The following NTRK3 variants were observed in gnomAD, a reference collection of about 807,000 sequenced individuals.
The protein encoded by NTRK3 is neurotrophic receptor tyrosine kinase 3.
Under a neutral mutation model 91.7 loss-of-function variants are expected in NTRK3, and 24 were observed. The observed-to-expected ratio is 0.26, with a 90% CI of 0.19 to 0.37. The LOEUF is 0.37. NTRK3 is among the 10% of genes least tolerant of loss of function. The pLI is 1.00. For missense variants in NTRK3, 880 were observed against 1,068.9 expected, an observed-to-expected ratio of 0.82 and a Z score of 2.46; for synonymous variants, 483 against 404.0, an observed-to-expected ratio of 1.20 and a Z score of -2.34.
chr15:88,015,280 A>G (rs1216542078), intron 14 of NTRK3, among the ~76,000 whole-genome samples: 1 of 152,210 alleles, frequency 6.6e-6, no homozygotes, highest in Non-Finnish European at 1.5e-5. Context: ...AATTCTACGA[A>G]TAAATTCGTA....
chr15:88,161,326 T>C (rs1248990509), intron 5 of NTRK3, among the ~76,000 whole-genome samples: 3 of 152,134 alleles, frequency 2.0e-5, no homozygotes, highest in African/African-American at 7.2e-5. Flanking sequence ...AAGCCAGGGA[T>C]TGAACCCCAG....
chr15:88,176,955 C>G (rs1029734510), intron 5 of NTRK3, among the ~76,000 whole-genome samples: 1 of 152,146 alleles, frequency 6.6e-6, no homozygotes, highest in African/African-American at 2.4e-5. Flanking sequence ...CAAGGGAGGC[C>G]TTGCTAAGAA....
At chr15:87,985,025 G>A (rs566368577) in intron 14 of NTRK3, among the ~76,000 whole-genome samples, 27 of 152,266 alleles carry the variant, frequency 1.8e-4, no homozygotes, top group African/African-American at 6.5e-4. Context: ...TCCCATCTCT[G>A]CAAGCCTTGT....
At chr15:88,123,741 T>C (rs2052986151) in intron 13 of NTRK3, among the ~76,000 whole-genome samples, 1 of 152,202 alleles carries the variant, frequency 6.6e-6, no homozygotes, top group African/African-American at 2.4e-5. Context: ...TTCCAAGTCA[T>C]AGGCATATTC....
chr15:88,106,201 G>A (rs769600843), intron 13 of NTRK3, among the ~76,000 whole-genome samples: 5 of 152,240 alleles, frequency 3.3e-5, no homozygotes, highest in Admixed American at 6.5e-5. Flanking sequence ...TGGATGCAGC[G>A]GCTGCTACAG....
exon 19 of NTRK3, chr15:87,870,484 C>G (rs930153308): frequency 4.8e-6 from 1 of 209,890 alleles, no homozygotes; most frequent in Non-Finnish European, 9.7e-6. Context: ...ATGGTGCATA[C>G]TGCCTGGGTG....
At chr15:87,929,077 C>T in intron 17 of NTRK3, 114 bp downstream of exon 17, 12 of 1,501,058 alleles carry the variant, frequency 8.0e-6, no homozygotes, top group Non-Finnish European at 1.1e-5. Context: ...CATGTCTGGG[C>T]ATGGGTGTGT....
chr15:88,225,631 T>C (rs1350882793), intron 3 of NTRK3, among the ~76,000 whole-genome samples: 2 of 152,118 alleles, frequency 1.3e-5, no homozygotes. Flanking sequence ...TCATCCACAG[T>C]TCCGATTCAC....
At chr15:87,993,770 T>G (rs2075466072) in intron 14 of NTRK3, among the ~76,000 whole-genome samples, 1 of 152,096 alleles carries the variant, frequency 6.6e-6, no homozygotes, top group African/African-American at 2.4e-5. Flanking sequence ...CAACACACAT[T>G]GAGGGCCTCC....
intron 13 of NTRK3, among the ~76,000 whole-genome samples, chr15:88,099,803 C>T (rs190464274): frequency 6.6e-6 from 1 of 152,254 alleles, no homozygotes; most frequent in East Asian, 1.9e-4. Context: ...AAAAAACAAA[C>T]ATTAAAACTG....
exon 17 of NTRK3, chr15:87,929,291 C>T (rs55890138): frequency 2.5e-6 from 4 of 1,614,002 alleles, no homozygotes; most frequent in East Asian, 2.2e-5. Context: ...GGCCAGGTCT[C>T]GGTGCACAAA....
At position 88,098,844 on chromosome 15, in the gene NTRK3, C is replaced by T. The variant is rs551301169; in HGVS notation, c.1396+27427G>A. 2.6e-5 allele frequency among the ~76,000 whole-genome samples: 4 copies of T among 152,132 alleles called. No individual in the cohort carries two copies. The East Asian group carries it at 7.7e-4, about 29-fold the overall frequency. The stretch of plus-strand genomic sequence containing the variant: ...CAAAATCAAGGGAGCTGCTCAGAAA[C>T]TCAGTAATCAAGAGAGATAATACTG... On this transcript the variant is annotated intron_variant, in intron 13 of 18. Coordinates refer to ENST00000394480, the Ensembl canonical transcript of NTRK3.
intron 13 of NTRK3, among the ~76,000 whole-genome samples, chr15:88,055,088 G>A (rs1039434717): frequency 6.6e-6 from 1 of 152,186 alleles, no homozygotes; most frequent in Non-Finnish European, 1.5e-5. Context: ...TTTTGTGTGA[G>A]GGTGTGGTGC....
rs184467572 is a variant in NTRK3, at chr15:87,962,536, T to C, written c.1586-21783A>G. Reference sequence around the variant, plus strand: ...AAGCTGCAGATTTAGATAATCTCACTAGCAATCTCTCCACCCCTTCAGATT... The same window carrying C: ...AAGCTGCAGATTTAGATAATCTCACCAGCAATCTCTCCACCCCTTCAGATT... On this transcript the variant is annotated intron_variant, in intron 14 of 18. Coordinates refer to ENST00000394480, the Ensembl canonical transcript of NTRK3. 1.5e-3 allele frequency among the ~76,000 whole-genome samples: 231 copies of C among 152,322 alleles called. 3 individuals carry two copies. In the South Asian group the frequency reaches 0.024, roughly 16 times the overall value.
intron 17 of NTRK3, 66 bp downstream of exon 18, chr15:87,885,628 T>C (rs2065490308): frequency 1.9e-5 from 16 of 831,986 alleles, no homozygotes. Flanking sequence ...TATGAAACAA[T>C]GGCTTAGTAA....
chr15:88,196,406 G>A (rs1325280106), intron 3 of NTRK3, among the ~76,000 whole-genome samples: 1 of 152,118 alleles, frequency 6.6e-6, no homozygotes, highest in East Asian at 1.9e-4. Context: ...AGAAGGAAGG[G>A]TGGGCTGGGA....
intron 13 of NTRK3, among the ~76,000 whole-genome samples, chr15:88,107,273 T>A (rs1457333416): frequency 6.6e-6 from 1 of 152,040 alleles, no homozygotes; most frequent in African/African-American, 2.4e-5. Flanking sequence ...CAAAACCCTG[T>A]CTCTACAAAA....
intron 5 of NTRK3, among the ~76,000 whole-genome samples, chr15:88,150,563 G>A (rs114033943): frequency 2.8e-4 from 42 of 151,466 alleles, no homozygotes; most frequent in East Asian, 9.8e-4. Context: ...GATTCCTCCC[G>A]CTCTTTGGGT....
intron 13 of NTRK3, among the ~76,000 whole-genome samples, chr15:88,092,586 G>A (rs2049124836): frequency 6.6e-6 from 1 of 152,194 alleles, no homozygotes. Flanking sequence ...TATGGCTGCT[G>A]TAACAAATTC....
Sources: allele counts gnomAD v4.1 joint callset (sites outside exome capture counted in the v4.1 genomes callset), GRCh38; gene constraint gnomAD v4.1.1; transcripts MANE v1.5; gene names NCBI Gene and HGNC (gene_info 2026-07-23, HGNC 2026-07-21).